ZSCAN5A: variants seen among roughly 807,000 people sequenced by gnomAD.
The protein encoded by ZSCAN5A is zinc finger and SCAN domain containing 5A.
Under a neutral mutation model 23.7 loss-of-function variants are expected in ZSCAN5A, and 12 were observed. That is an observed-to-expected ratio of 0.51 (90% CI 0.32 to 0.82). The LOEUF (loss-of-function observed/expected upper bound fraction) is 0.82, where lower values mean the gene tolerates loss of function less well. Ranked by LOEUF, ZSCAN5A falls within the 40% of genes least tolerant of loss-of-function variation. The pLI, the probability that ZSCAN5A is intolerant of heterozygous loss-of-function variation, is 0.03. For synonymous variants in ZSCAN5A, 257 were observed against 239.9 expected, an observed-to-expected ratio of 1.07 and a Z score of -0.66; for missense variants, 597 against 617.9, an observed-to-expected ratio of 0.97 and a Z score of 0.36.
intron 2 of ZSCAN5A, among the ~76,000 whole-genome samples, chr19:56,324,086 TCCAACTGTATTTTTGTGC>T: frequency 1.3e-5 from 2 of 152,240 alleles, no homozygotes; most frequent in South Asian, 4.1e-4. Flanking sequence ...ATTCATTCTA[TCCAACTGTATTTTTGTGC>T]CCACAAAACA....
At chr19:56,341,554 A>G (rs935005295) in intron 2 of ZSCAN5A, among the ~76,000 whole-genome samples, 2 of 152,118 alleles carry the variant, frequency 1.3e-5, no homozygotes, top group African/African-American at 4.8e-5. Context: ...TAGACCCAGG[A>G]GTCAAGGCCC....
chr19:56,342,119 A>G (rs995334980), intron 2 of ZSCAN5A, among the ~76,000 whole-genome samples: 1 of 152,162 alleles, frequency 6.6e-6, no homozygotes, highest in Non-Finnish European at 1.5e-5. Context: ...TTAATCACAT[A>G]AAAGTTTTTG....
chr19:56,226,846 C>T (rs1023933415), intron 2 of ZSCAN5A, among the ~76,000 whole-genome samples: 1 of 152,036 alleles, frequency 6.6e-6, no homozygotes, highest in African/African-American at 2.4e-5. Context: ...TAGAGTCATA[C>T]CTCACACCTC....
intron 2 of ZSCAN5A, chr19:56,304,844 G>A (rs911332844): frequency 1.8e-5 from 18 of 979,976 alleles, no homozygotes; most frequent in Non-Finnish European, 2.2e-5. Flanking sequence ...TGCTATGGCA[G>A]GGAAGTGGGC....
chr19:56,297,122 G>A (rs1043518540), intron 2 of ZSCAN5A, among the ~76,000 whole-genome samples: 1 of 152,078 alleles, frequency 6.6e-6, no homozygotes, highest in Non-Finnish European at 1.5e-5. Flanking sequence ...GTGAGCAAAG[G>A]CTTGAAGAAG....
At chr19:56,311,249 A>G (rs2041017809) in intron 2 of ZSCAN5A, among the ~76,000 whole-genome samples, 1 of 152,200 alleles carries the variant, frequency 6.6e-6, no homozygotes. Flanking sequence ...CATCTTGCTC[A>G]TTCCAACTTG....
chr19:56,265,785 C>T (rs147684268), intron 2 of ZSCAN5A, among the ~76,000 whole-genome samples: 4 of 152,202 alleles, frequency 2.6e-5, no homozygotes, highest in Admixed American at 6.5e-5. Flanking sequence ...TTACTCAATT[C>T]GAGATTTAAA....
At position 56,222,095 on chromosome 19, in the gene ZSCAN5A, G is replaced by A. The variant is rs1274868780; in HGVS notation, c.971C>T (p.Ser324Phe). The A allele has an allele frequency of 1.2e-6, 2 of 1,614,064 alleles. No homozygotes were observed. The highest frequency in any genetic ancestry group is 1.7e-6 in the Non-Finnish European group (2 of 1,180,052). ...TGAATTCATCCCAGCTTGTCCCGGGGATTCTCTGTTGCCCACAGGTGTGGC... is the reference window on the plus strand; with the variant it reads ...TGAATTCATCCCAGCTTGTCCCGGGAATTCTCTGTTGCCCACAGGTGTGGC... The part of the protein sequence containing the change: ...GEATPVGNRE[S>F]PGQAGMNSIH... Residue 324 changes from serine to phenylalanine, a missense_variant, in exon 6 of 6, where the codon TCC becomes TTC. Physicochemically the swap from Ser to Phe is radical, Grantham distance 155 (BLOSUM62 -2). Around this residue, in one of 5 missense-constraint regions of ZSCAN5A, gnomAD observed 406 missense variants for 353.2 expected, o/e 1.15. Coordinates refer to ENST00000683990, the MANE Select transcript of ZSCAN5A (RefSeq NM_001322064.3).
chr19:56,224,538 C>T (rs1476447904), intron 3 of ZSCAN5A, 125 bp downstream of exon 3: 3 of 1,216,046 alleles, frequency 2.5e-6, no homozygotes, highest in African/African-American at 2.9e-5. Flanking sequence ...CCCCGACGGG[C>T]AAACTCTCCT....
chr19:56,365,998 T>G (rs2041761719), intron 1 of ZSCAN5A: 1 of 152,222 alleles, frequency 6.6e-6, no homozygotes, highest in Non-Finnish European at 1.5e-5. Flanking sequence ...ACCACGGCAT[T>G]CTGTTCAATG....
chr19:56,265,956 G>C (rs1008959809), intron 2 of ZSCAN5A, among the ~76,000 whole-genome samples: 3 of 152,150 alleles, frequency 2.0e-5, no homozygotes, highest in African/African-American at 7.2e-5. Flanking sequence ...ACCACATACA[G>C]TGGAGCAGAG....
intron 2 of ZSCAN5A, among the ~76,000 whole-genome samples, chr19:56,250,214 G>A (rs2036242657): frequency 6.6e-6 from 1 of 152,118 alleles, no homozygotes. Context: ...GCTCAAGAGC[G>A]ACTCCCTTTC....
At chr19:56,343,679 C>T (rs2041611410) in intron 2 of ZSCAN5A, among the ~76,000 whole-genome samples, 1 of 152,256 alleles carries the variant, frequency 6.6e-6, no homozygotes, top group Non-Finnish European at 1.5e-5. Flanking sequence ...GCCTCCGGCA[C>T]TCACTGCCTG....
rs148844049 is a variant in ZSCAN5A at position 56,314,806 on chromosome 19, G to T, written c.-355C>A. 4 of 152,432 alleles carry T rather than the reference G, an allele frequency of 2.6e-5. No homozygotes were observed. The highest frequency in any genetic ancestry group is 2.1e-4 in the South Asian group (1 of 4,836). 9.4% of individuals were successfully genotyped at this position (152,432 alleles called of 1,614,324 possible). The stretch of plus-strand genomic sequence containing the variant: ...TGGCGAGTGGGGCCGGGGAGAGCGG[G>T]ACGCCTGGATCGGGAACTTGTCGCA... On this transcript the variant is annotated 5_prime_UTR_variant, in exon 1 of 6. Transcript: ENST00000683990.
intron 2 of ZSCAN5A, among the ~76,000 whole-genome samples, chr19:56,339,057 C>T (rs2041567471): frequency 6.6e-6 from 1 of 152,256 alleles, no homozygotes. Context: ...GCATTGTCAT[C>T]TTTTCATTGT....
Position 56,225,054 on chromosome 19 carries a change from G to T in ZSCAN5A, c.-8C>A, listed in dbSNP as rs1266638616. 3 of 1,573,220 alleles carry T rather than the reference G, an allele frequency of 1.9e-6. No homozygotes were observed. The highest frequency in any genetic ancestry group is 1.8e-5 in the Admixed American group (1 of 55,370). On this transcript the variant is annotated 5_prime_UTR_variant, in exon 3 of 6. Coordinates refer to ENST00000683990, the MANE Select transcript of ZSCAN5A (RefSeq NM_001322064.3). ...TGTGCAATTTGCAGCCATATCTAGT[G>T]GAGAATTTTTTAATCAGTCTCTGAG...
At chr19:56,278,720 C>G (rs1206041201) in intron 2 of ZSCAN5A, among the ~76,000 whole-genome samples, 1 of 152,176 alleles carries the variant, frequency 6.6e-6, no homozygotes, top group Non-Finnish European at 1.5e-5. Context: ...ACCAAGGAAG[C>G]TGATGGATGG....
At chr19:56,302,525 CCTCCCT>C in intron 2 of ZSCAN5A, among the ~76,000 whole-genome samples, 1 of 93,066 alleles carries the variant, frequency 1.1e-5, no homozygotes, top group East Asian at 2.5e-4. Context: ...TTCCTCCCTC[CCTCCCT>C]CTTCTTCCTC....
rs974493796 is a variant in ZSCAN5A, at chr19:56,321,648, G to A, written c.-357-5380C>T. 31 of 960,498 alleles carry A rather than the reference G, an allele frequency of 3.2e-5. No individual in the cohort carries two copies. In the African/African-American group the frequency reaches 3.8e-4, roughly 12 times the overall value. The allele number at this position is 960,498 out of a possible 1,614,324, so 59.5% of individuals were successfully genotyped here. A position where few individuals can be genotyped will look rare whatever the true frequency, so the allele number is the denominator to read the frequency against. On this transcript the variant is annotated intron_variant, in intron 2 of 6. Transcript: ENST00000587340. ...AGGTTCATCCATGCATCGTTATGTC[G>A]TCCATCATAGTAGACAATTCCTCCT...
Sources: gnomAD v4.1 joint callset for allele counts (sites outside exome capture counted in the v4.1 genomes callset) on GRCh38, gnomAD v4.1.1 for gene constraint, gnomAD v4.1.1 regional missense constraint, MANE v1.5 for transcripts, NCBI Gene and HGNC (gene_info 2026-07-23, HGNC 2026-07-21) for gene names.